The following KCNIP1 variants were observed in gnomAD, a reference collection of about 807,000 sequenced individuals.
KCNIP1 encodes A-type potassium channel modulatory protein KCNIP1.
In KCNIP1, 18 loss-of-function variants were observed where a neutral mutation model predicts 33.0. The observed-to-expected ratio is 0.55, with a 90% CI of 0.38 to 0.81. The LOEUF (loss-of-function observed/expected upper bound fraction) is 0.81, where lower values mean the gene tolerates loss of function less well. Among genes scored for constraint, KCNIP1 ranks in the 30% least tolerant of loss-of-function variants. The pLI is 0.00. For missense variants in KCNIP1, 238 were observed against 271.6 expected, an observed-to-expected ratio of 0.88 and a Z score of 0.87; for synonymous variants, 93 against 98.3, an observed-to-expected ratio of 0.95 and a Z score of 0.32.
intron 1 of KCNIP1, among the ~76,000 whole-genome samples, chr5:170,369,151 T>C (rs1763780695): frequency 6.6e-6 from 1 of 152,248 alleles, no homozygotes; most frequent in African/African-American, 2.4e-5. Flanking sequence ...AATTACCTTA[T>C]TTCAAGTTCC....
Position 170,504,501 on chromosome 5 carries a change from A to T in KCNIP1, c.-72A>T. 1 of 1,604,460 alleles carries T rather than the reference A, an allele frequency of 6.2e-7. No individual in the cohort carries two copies. Among genetic ancestry groups the T allele is most frequent in the Non-Finnish European group, 8.5e-7 (1 of 1,179,068 alleles). Reference sequence around the variant, plus strand: ...TCCTCCAATTCAGAGTAGACAAACCACGGGGATTTCTTTCCAGGGTAGGGG... The same window carrying T: ...TCCTCCAATTCAGAGTAGACAAACCTCGGGGATTTCTTTCCAGGGTAGGGG... On this transcript the variant is annotated 5_prime_UTR_variant, in exon 1 of 8. Transcript: ENST00000328939. The surrounding 1 kb of genome is among the most constrained non-coding windows in gnomAD (Gnocchi z 6.0).
At chr5:170,473,650 A>T (rs1042037530) in intron 1 of KCNIP1, among the ~76,000 whole-genome samples, 1 of 152,154 alleles carries the variant, frequency 6.6e-6, no homozygotes, top group African/African-American at 2.4e-5. Context: ...TGACACCTGC[A>T]CTCATGATAT....
intron 1 of KCNIP1, among the ~76,000 whole-genome samples, chr5:170,519,461 C>T (rs1345093248): frequency 6.6e-6 from 1 of 152,152 alleles, no homozygotes; most frequent in Non-Finnish European, 1.5e-5. Flanking sequence ...ACTTGTTTTT[C>T]CCTGGTGGTG....
intron 1 of KCNIP1, among the ~76,000 whole-genome samples, chr5:170,468,609 A>C (rs920594044): frequency 2.6e-4 from 39 of 152,128 alleles, no homozygotes; most frequent in African/African-American, 8.7e-4. Flanking sequence ...GGCCAGGTGC[A>C]GTGGCTCTCT....
intron 1 of KCNIP1, among the ~76,000 whole-genome samples, chr5:170,603,377 C>A (rs1171173108): frequency 6.6e-6 from 1 of 152,166 alleles, no homozygotes; most frequent in Non-Finnish European, 1.5e-5. Flanking sequence ...AGTACAGAGC[C>A]CTGAGCTCAG....
intron 1 of KCNIP1, chr5:170,420,600 A>T (rs941641947): frequency 6.6e-6 from 1 of 152,158 alleles, no homozygotes; most frequent in Non-Finnish European, 1.5e-5. Flanking sequence ...GTGTTAATCA[A>T]CTGTCTATGT....
chr5:170,724,359 GCA>G (rs1370286619), intron 5 of KCNIP1, among the ~76,000 whole-genome samples: 1 of 152,098 alleles, frequency 6.6e-6, no homozygotes, highest in East Asian at 1.9e-4. Context: ...TCCCTCGTGA[GCA>G]CAGATAAAAA....
chr5:170,660,425 C>A (rs1761433752), intron 1 of KCNIP1, among the ~76,000 whole-genome samples: 2 of 151,362 alleles, frequency 1.3e-5, no homozygotes, highest in Middle Eastern at 3.2e-3. Context: ...CAGTGCAGTG[C>A]CAGTCTGGGT....
chr5:170,472,115 G>A (rs1319262426), intron 1 of KCNIP1, among the ~76,000 whole-genome samples: 1 of 152,146 alleles, frequency 6.6e-6, no homozygotes, highest in African/African-American at 2.4e-5. Context: ...ATGGAGTCAG[G>A]AGACCTGGGA....
chr5:170,517,581 A>G (rs538102215), intron 1 of KCNIP1, among the ~76,000 whole-genome samples: 4 of 151,586 alleles, frequency 2.6e-5, no homozygotes, highest in Admixed American at 2.0e-4. Flanking sequence ...GGTGGTGACA[A>G]TGGTGATGGT....
intron 1 of KCNIP1, among the ~76,000 whole-genome samples, chr5:170,548,678 C>T (rs1351738099): frequency 6.6e-6 from 1 of 152,140 alleles, no homozygotes; most frequent in African/African-American, 2.4e-5. Flanking sequence ...TCTCATTCAC[C>T]TTTGTATTAA....
intron 1 of KCNIP1, among the ~76,000 whole-genome samples, chr5:170,448,506 C>T (rs1206412955): frequency 6.6e-6 from 1 of 152,256 alleles, no homozygotes; most frequent in Non-Finnish European, 1.5e-5. Flanking sequence ...GTGTGGGCTG[C>T]AAGCCCCTTG....
At chr5:170,701,996 T>C (rs764842957) in intron 1 of KCNIP1, among the ~76,000 whole-genome samples, 1 of 152,158 alleles carries the variant, frequency 6.6e-6, no homozygotes, top group Non-Finnish European at 1.5e-5. Flanking sequence ...CCTCCCGAAA[T>C]CACCACTAAA....
intron 1 of KCNIP1, among the ~76,000 whole-genome samples, chr5:170,522,690 G>T (rs1561666237): frequency 6.6e-6 from 1 of 152,228 alleles, no homozygotes. Flanking sequence ...TCAGCATGAG[G>T]CTTCTCTGGC....
intron 1 of KCNIP1, among the ~76,000 whole-genome samples, chr5:170,684,621 G>A (rs1762476987): frequency 6.6e-6 from 1 of 152,188 alleles, no homozygotes. Context: ...TAAAGGCTTA[G>A]GTCAACTTCT....
chr5:170,395,717 C>A (rs314123), intron 1 of KCNIP1, among the ~76,000 whole-genome samples: 1 of 152,114 alleles, frequency 6.6e-6, no homozygotes, highest in Admixed American at 6.5e-5. Flanking sequence ...CCAGGCCTGA[C>A]TTGAGCCTTA....
chr5:170,624,723 CCGGGGAGGTGG>C lies in KCNIP1; in HGVS notation c.62-94034_62-94024del, dbSNP rs543272528. 1.6e-3 allele frequency among the ~76,000 whole-genome samples: 54 copies of C among 34,630 alleles called. 3 individuals carry two copies. In the South Asian group the frequency reaches 0.052, roughly 34 times the overall value. 22.7% of individuals were successfully genotyped at this position (34,630 alleles called of 152,430 possible). ...GGGGAGGGGAGGAGAGGAAAGGAGA[CCGGGGAGGTGG>C]GGGGGGAGAGGGGAGGGGAGGAGAG... On this transcript the variant is annotated intron_variant, in intron 1 of 7. Transcript: ENST00000328939.
At chr5:170,660,427 A>C (rs1761433946) in intron 1 of KCNIP1, among the ~76,000 whole-genome samples, 1 of 151,400 alleles carries the variant, frequency 6.6e-6, no homozygotes. Context: ...GTGCAGTGCC[A>C]GTCTGGGTTT....
intron 1 of KCNIP1, among the ~76,000 whole-genome samples, chr5:170,696,668 A>C (rs1201021582): frequency 6.6e-6 from 1 of 152,152 alleles, no homozygotes; most frequent in East Asian, 1.9e-4. Context: ...AAACCCAGGA[A>C]ATAACCCCTT....
Sources: allele counts gnomAD v4.1 joint callset (sites outside exome capture counted in the v4.1 genomes callset), GRCh38; gene constraint gnomAD v4.1.1; non-coding constraint Gnocchi (gnomAD v3.1); transcripts MANE v1.5; gene names NCBI Gene and HGNC (gene_info 2026-07-23, HGNC 2026-07-21).